CCDC178: variants seen among roughly 807,000 people sequenced by gnomAD.
CCDC178 encodes coiled-coil domain-containing protein 178.
In CCDC178, 126 loss-of-function variants were observed where a neutral mutation model predicts 117.4. The observed-to-expected ratio is 1.07, with a 90% CI of 0.93 to 1.24. The LOEUF (loss-of-function observed/expected upper bound fraction) is 1.24. Among genes scored for constraint, CCDC178 ranks in the 50% most tolerant of loss-of-function variants. CCDC178 has a pLI of 0.00. For synonymous variants in CCDC178, 283 were observed against 313.4 expected (o/e 0.90, Z 1.02); for missense variants, 1,030 against 986.9 (o/e 1.04, Z -0.59).
At chr18:33,245,994 C>A (rs903958487) in intron 14 of CCDC178, among the ~76,000 whole-genome samples, 11 of 151,806 alleles carry the variant, frequency 7.2e-5, no homozygotes, top group African/African-American at 2.7e-4. Flanking sequence ...CAAAAATCCC[C>A]TAAAGGTACA....
chr18:32,968,004 C>A (rs754603135), intron 22 of CCDC178, among the ~76,000 whole-genome samples: 1 of 151,654 alleles, frequency 6.6e-6, no homozygotes, highest in African/African-American at 2.4e-5. Flanking sequence ...TTTGTGACAG[C>A]ACTCAAAAAC....
chr18:33,207,116 G>A (rs2144574898), intron 20 of CCDC178, among the ~76,000 whole-genome samples: 1 of 152,228 alleles, frequency 6.6e-6, no homozygotes. Flanking sequence ...TAAAATCTCA[G>A]ACCCTTCACA....
intron 20 of CCDC178, among the ~76,000 whole-genome samples, chr18:33,117,390 C>G (rs915372250): frequency 6.6e-6 from 1 of 152,062 alleles, no homozygotes; most frequent in Admixed American, 6.6e-5. Context: ...CTCACCAAAG[C>G]TGACCTGGAT....
At position 32,989,125 on chromosome 18, in the gene CCDC178, A is replaced by T. The variant is rs116528001; in HGVS notation, c.2389-14444T>A. On this transcript the variant is annotated intron_variant, in intron 21 of 22. Transcript: ENST00000383096. Reference sequence around the variant, plus strand: ...CCCAAATTATTCTAGAAGTCAAGCAAAACATGAAAACTAATATCCAATAAA... The same window carrying T: ...CCCAAATTATTCTAGAAGTCAAGCATAACATGAAAACTAATATCCAATAAA... Among the ~76,000 whole-genome samples the T allele has an allele frequency of 9.3e-3, 1,411 of 152,302 alleles. 22 individuals carry two copies. Among genetic ancestry groups the T allele is most frequent in the African/African-American group, 0.033 (1,355 of 41,568 alleles).
At chr18:33,266,364 G>A (rs186658867) in intron 14 of CCDC178, among the ~76,000 whole-genome samples, 1 of 151,812 alleles carries the variant, frequency 6.6e-6, no homozygotes, top group East Asian at 1.9e-4. Context: ...ATAGGGTTTG[G>A]TACAATCTGT....
chr18:33,058,372 C>T (rs563484046), intron 21 of CCDC178, among the ~76,000 whole-genome samples: 17 of 152,248 alleles, frequency 1.1e-4, no homozygotes, highest in African/African-American at 3.6e-4. Flanking sequence ...GAACATATTA[C>T]GCTAATAAAA....
At chr18:32,973,794 T>A (rs920535819) in intron 22 of CCDC178, among the ~76,000 whole-genome samples, 1 of 152,152 alleles carries the variant, frequency 6.6e-6, no homozygotes, top group African/African-American at 2.4e-5. Flanking sequence ...TGTTTTTGTT[T>A]TTCACAGAAC....
intron 2 of CCDC178, among the ~76,000 whole-genome samples, chr18:33,419,940 T>C (rs1367831685): frequency 6.6e-6 from 1 of 151,884 alleles, no homozygotes; most frequent in East Asian, 1.9e-4. Flanking sequence ...AATCTCATGA[T>C]TGCATATATA....
At chr18:33,395,242 AAAATATTTCTG>A (rs2144841734) in intron 4 of CCDC178, among the ~76,000 whole-genome samples, 1 of 151,854 alleles carries the variant, frequency 6.6e-6, no homozygotes, top group East Asian at 1.9e-4. Context: ...CTCTATTTTT[AAAATATTTCTG>A]TACTTCTTAT....
chr18:32,947,195 C>A (rs907192985), intron 22 of CCDC178, among the ~76,000 whole-genome samples: 1 of 152,194 alleles, frequency 6.6e-6, no homozygotes, highest in East Asian at 1.9e-4. Context: ...AAAGCAGTCA[C>A]GATCAGAAAT....
chr18:33,363,219 G>A (rs1201260168), intron 6 of CCDC178, among the ~76,000 whole-genome samples: 1 of 151,980 alleles, frequency 6.6e-6, no homozygotes, highest in African/African-American at 2.4e-5. Flanking sequence ...TATGGCTGGG[G>A]CTTTTGGGGC....
In CCDC178 at chr18:33,212,056, C is replaced by T; in HGVS notation, c.2079-1G>A. 1.3e-6 allele frequency: 2 copies of T among 1,560,786 alleles called. No homozygotes were observed. Among genetic ancestry groups the T allele is most frequent in the Non-Finnish European group, 8.6e-7 (1 of 1,158,682 alleles). The stretch of plus-strand genomic sequence containing the variant: ...AAATCTCATAGTTATAAATTTGTTC[C>T]TGTGAAGAAAGAATTCCATGTGCCA... On this transcript the variant is annotated splice_acceptor_variant, in intron 19 of 22. Coordinates refer to ENST00000383096, the MANE Select transcript of CCDC178 (RefSeq NM_001105528.4). LOFTEE classifies it high-confidence loss of function.
intron 2 of CCDC178, among the ~76,000 whole-genome samples, chr18:33,436,441 T>C (rs1274984080): frequency 6.6e-6 from 1 of 152,214 alleles, no homozygotes; most frequent in Non-Finnish European, 1.5e-5. Context: ...GAGATATAGA[T>C]GCAAAGGAGG....
chr18:33,438,862 CATT>C (rs1379300414), intron 2 of CCDC178, among the ~76,000 whole-genome samples: 1 of 152,116 alleles, frequency 6.6e-6, no homozygotes, highest in East Asian at 1.9e-4. Context: ...CCAATATTCT[CATT>C]AACCTCATTA....
chr18:33,369,580 TA>T (rs1429418700), intron 6 of CCDC178, among the ~76,000 whole-genome samples: 156 of 152,100 alleles, frequency 1.0e-3, no homozygotes, highest in African/African-American at 3.6e-3. Flanking sequence ...TTCAGAATAA[TA>T]AAGGCAAACT....
intron 20 of CCDC178, among the ~76,000 whole-genome samples, chr18:33,175,463 T>C (rs1490250812): frequency 6.6e-6 from 1 of 152,120 alleles, no homozygotes; most frequent in Non-Finnish European, 1.5e-5. Flanking sequence ...CGCCTCAGCC[T>C]CCCAGTAGTT....
chr18:33,439,695 G>A (rs570992374), intron 2 of CCDC178, among the ~76,000 whole-genome samples: 2 of 152,250 alleles, frequency 1.3e-5, no homozygotes, highest in African/African-American at 4.8e-5. Context: ...ATATTTTGAG[G>A]GTAGGAGGGA....
rs566808840 is a variant in CCDC178, at chr18:33,310,519, C to T, written c.1022+12972G>A. On this transcript the variant is annotated intron_variant, in intron 11 of 22. Coordinates refer to ENST00000383096, the MANE Select transcript of CCDC178 (RefSeq NM_001105528.4). ...CCTGGGAAGCAAGCTGAAACCCCAT[C>T]GCTACAAGAAACAAAAATTAGCCAG... Among the ~76,000 whole-genome samples the T allele has an allele frequency of 1.1e-4, 16 of 151,900 alleles. No individual in the cohort carries two copies. The South Asian group carries it at 3.1e-3, about 30-fold the overall frequency.
At chr18:33,330,583 T>A (rs2062654079) in intron 10 of CCDC178, among the ~76,000 whole-genome samples, 1 of 152,164 alleles carries the variant, frequency 6.6e-6, no homozygotes, top group East Asian at 1.9e-4. Context: ...GGTGACCATA[T>A]TAGTCAGGCT....
Sources: gnomAD v4.1 joint callset for allele counts (sites outside exome capture counted in the v4.1 genomes callset) on GRCh38, gnomAD v4.1.1 for gene constraint, MANE v1.5 for transcripts, NCBI Gene and HGNC (gene_info 2026-07-23, HGNC 2026-07-21) for gene names.